The following FRAS1 variants were observed in gnomAD, a reference collection of about 807,000 sequenced individuals.
FRAS1 encodes the protein extracellular matrix organizing protein FRAS1.
FRAS1 carries 290 observed loss-of-function variants against 435.2 expected under a neutral mutation model. That is an observed-to-expected ratio of 0.67 (90% CI 0.61 to 0.73). The LOEUF (loss-of-function observed/expected upper bound fraction) is 0.73. Ranked by LOEUF, FRAS1 falls within the 30% of genes least tolerant of loss-of-function variation. FRAS1 has a pLI of 0.00. For missense variants in FRAS1, 4,860 were observed against 5,001.5 expected (o/e 0.97, Z 0.85); for synonymous variants, 1,800 against 1,851.0 (o/e 0.97, Z 0.71).
intron 2 of FRAS1, among the ~76,000 whole-genome samples, chr4:78,184,888 G>A (rs1218661783): frequency 6.6e-6 from 1 of 152,176 alleles, no homozygotes; most frequent in Non-Finnish European, 1.5e-5. Flanking sequence ...CTAAATAACT[G>A]GGAAAAAGTT....
At chr4:78,099,324 G>A (rs949802663) in intron 2 of FRAS1, among the ~76,000 whole-genome samples, 6 of 152,178 alleles carry the variant, frequency 3.9e-5, no homozygotes, top group East Asian at 3.9e-4. Flanking sequence ...TATAAGTGGC[G>A]CTTCCAGACA....
chr4:78,060,467 T>C (rs920528023), intron 1 of FRAS1, among the ~76,000 whole-genome samples: 1 of 152,184 alleles, frequency 6.6e-6, no homozygotes, highest in Admixed American at 6.5e-5. Context: ...GAGAGAACAA[T>C]TGTGGTTGGT....
chr4:78,153,381 A>G (rs1396891273), intron 2 of FRAS1, among the ~76,000 whole-genome samples: 2 of 152,158 alleles, frequency 1.3e-5, no homozygotes, highest in African/African-American at 4.8e-5. Context: ...TTGAATTGAA[A>G]TTTGTACACC....
At chr4:78,216,125 G>A (rs922594658) in intron 2 of FRAS1, among the ~76,000 whole-genome samples, 12 of 152,204 alleles carry the variant, frequency 7.9e-5, no homozygotes, top group Non-Finnish European at 1.6e-4. Flanking sequence ...GACATCGAAT[G>A]TGCTTAGTGG....
intron 2 of FRAS1, among the ~76,000 whole-genome samples, chr4:78,197,853 A>G (rs1011174580): frequency 6.6e-6 from 1 of 152,072 alleles, no homozygotes; most frequent in African/African-American, 2.4e-5. Flanking sequence ...AGGCAGGAGA[A>G]TGGCGTGAAC....
chr4:78,393,024 A>T lies in FRAS1; in HGVS notation c.3975+5323A>T, dbSNP rs201862116. 1.6e-3 allele frequency among the ~76,000 whole-genome samples: 231 copies of T among 145,664 alleles called. 1 individual carries two copies. The highest frequency in any genetic ancestry group is 2.4e-3 in the South Asian group (11 of 4,622). On this transcript the variant is annotated intron_variant, in intron 29 of 73. Coordinates refer to ENST00000512123, the MANE Select transcript of FRAS1 (RefSeq NM_025074.7). ...TGCTTCTTCCTTTTTTTTTTTTTTTAAAAAAAACCCTACTTTATTGAGGAA... is the reference window on the plus strand; with the variant it reads ...TGCTTCTTCCTTTTTTTTTTTTTTTTAAAAAAACCCTACTTTATTGAGGAA...
chr4:78,376,780 C>T (rs1731783155), intron 26 of FRAS1, among the ~76,000 whole-genome samples: 1 of 152,002 alleles, frequency 6.6e-6, no homozygotes, highest in African/African-American at 2.4e-5. Context: ...CATCTGAGGT[C>T]AGGAGTTCAA....
intron 2 of FRAS1, among the ~76,000 whole-genome samples, chr4:78,228,740 C>T (rs981087867): frequency 4.6e-5 from 7 of 152,136 alleles, no homozygotes; most frequent in Non-Finnish European, 7.3e-5. Flanking sequence ...CCTCTGTCAC[C>T]GAAAATATCG....
chr4:78,219,642 G>T (rs1233541366), intron 2 of FRAS1, among the ~76,000 whole-genome samples: 2 of 152,154 alleles, frequency 1.3e-5, no homozygotes, highest in African/African-American at 4.8e-5. Context: ...TTTCATCCTT[G>T]AGAAACAATA....
Position 78,515,873 on chromosome 4 carries a change from G to A in FRAS1, c.10249G>A (p.Asp3417Asn), listed in dbSNP as rs373601771. The A allele has an allele frequency of 2.2e-5, 36 of 1,613,860 alleles. No homozygotes were observed. The African/African-American group carries it at 4.8e-4, about 22-fold the overall frequency. ...GPGYDRPFQF[D>N]PSVREPKTIQ... ...TGGCTACGATCGCCCCTTCCAGTTT[G>A]ACCCCAGCGTGCGAGAGCCGAAGAC... is the stretch of plus-strand genomic sequence containing the variant. Residue 3417 changes from aspartate (D) to asparagine (N), a missense_variant, in exon 66 of 74, where the codon GAC becomes AAC. Asp to Asn is a conservative substitution (Grantham distance 23, BLOSUM62 1). Transcript: ENST00000512123.
chr4:78,262,186 A>T (rs546372348), intron 6 of FRAS1, among the ~76,000 whole-genome samples: 63 of 152,244 alleles, frequency 4.1e-4, no homozygotes, highest in African/African-American at 1.4e-3. Flanking sequence ...AAAAACTCAG[A>T]TCCTCAGCCT....
At chr4:78,238,595 C>CT (rs1311761414) in intron 3 of FRAS1, among the ~76,000 whole-genome samples, 1 of 151,876 alleles carries the variant, frequency 6.6e-6, no homozygotes, top group African/African-American at 2.4e-5. Context: ...TCCTGAGAAG[C>CT]TGGGAGTACT....
intron 2 of FRAS1, among the ~76,000 whole-genome samples, chr4:78,167,930 T>C (rs549857161): frequency 6.6e-6 from 1 of 152,226 alleles, no homozygotes; most frequent in African/African-American, 2.4e-5. Context: ...TTGGTGCTTG[T>C]GGGAAGGCTC....
At chr4:78,197,833 C>T (rs184231072) in intron 2 of FRAS1, among the ~76,000 whole-genome samples, 101 of 152,026 alleles carry the variant, frequency 6.6e-4, no homozygotes, top group African/African-American at 2.2e-3. Context: ...CCCAGCTACT[C>T]TGGAGGCTGA....
At position 78,308,147 on chromosome 4, in the gene FRAS1, G is replaced by A; in HGVS notation, c.1616G>A (p.Arg539Lys). Residue 539 changes from arginine (R) to lysine (K), a missense_variant, in exon 15 of 74, where the codon AGA becomes AAA. Coordinates refer to ENST00000512123, the MANE Select transcript of FRAS1 (RefSeq NM_025074.7). ...TGCAGAGATCCCCTCCACGTGCTGAGAGATGGCGGCTGTGAGAGCAGCTGT... is the reference window on the plus strand; with the variant it reads ...TGCAGAGATCCCCTCCACGTGCTGAAAGATGGCGGCTGTGAGAGCAGCTGT... ...LACRDPLHVL[R>K]DGGCESSCGK... The A allele has an allele frequency of 1.2e-6, 2 of 1,613,978 alleles. No homozygotes were observed. The highest frequency in any genetic ancestry group is 1.7e-6 in the Non-Finnish European group (2 of 1,179,870).
At chr4:78,152,044 C>G (rs1214780511) in intron 2 of FRAS1, among the ~76,000 whole-genome samples, 1 of 152,152 alleles carries the variant, frequency 6.6e-6, no homozygotes, top group Non-Finnish European at 1.5e-5. Flanking sequence ...CTGTTCTGAA[C>G]CAGGACTGAT....
chr4:78,159,138 C>T (rs562069036), intron 2 of FRAS1, among the ~76,000 whole-genome samples: 1 of 152,270 alleles, frequency 6.6e-6, no homozygotes, highest in South Asian at 2.1e-4. Flanking sequence ...ACTCTGGGCC[C>T]TCCACCCTCT....
At chr4:78,530,981 G>C (rs959074745) in intron 70 of FRAS1, among the ~76,000 whole-genome samples, 1 of 151,978 alleles carries the variant, frequency 6.6e-6, no homozygotes, top group Non-Finnish European at 1.5e-5. Flanking sequence ...AGCATGGAAT[G>C]TTTTTCATTT....
chr4:78,065,058 GTATATATATA>G (rs34023994), intron 1 of FRAS1, among the ~76,000 whole-genome samples: 3 of 119,910 alleles, frequency 2.5e-5, no homozygotes, highest in African/African-American at 6.5e-5. Context: ...GTTTTATAGT[GTATATATATA>G]TATATATATA....
Sources: allele counts gnomAD v4.1 joint callset (sites outside exome capture counted in the v4.1 genomes callset), GRCh38; gene constraint gnomAD v4.1.1; transcripts MANE v1.5; gene names NCBI Gene and HGNC (gene_info 2026-07-23, HGNC 2026-07-21).